Variants in CDH12 observed in about 807,000 individuals in gnomAD.
The protein encoded by CDH12 is cadherin-12.
CDH12 carries 41 observed loss-of-function variants against 74.1 expected under a neutral mutation model. That is an observed-to-expected ratio of 0.55 (90% confidence interval 0.43 to 0.72). The LOEUF is 0.72. Ranked by LOEUF, CDH12 falls within the 30% of genes least tolerant of loss-of-function variation. CDH12 has a pLI of 0.00. For missense variants in CDH12, 945 were observed against 977.2 expected (o/e 0.97, Z 0.44); for synonymous variants, 399 against 355.0 (o/e 1.12, Z -1.39).
At chr5:22,774,919 C>T (rs1344553695) in intron 1 of CDH12, among the ~76,000 whole-genome samples, 1 of 151,964 alleles carries the variant, frequency 6.6e-6, no homozygotes, top group Non-Finnish European at 1.5e-5. Flanking sequence ...GTTTGCATCT[C>T]AAATCTCAGT....
At chr5:22,798,990 ACCT>A (rs1490617089) in intron 1 of CDH12, among the ~76,000 whole-genome samples, 2 of 152,054 alleles carry the variant, frequency 1.3e-5, no homozygotes, top group African/African-American at 4.8e-5. Context: ...GGCAGTGCAT[ACCT>A]GTGGTTTCAG....
chr5:22,710,570 T>A (rs531147446), intron 1 of CDH12, among the ~76,000 whole-genome samples: 1 of 152,286 alleles, frequency 6.6e-6, no homozygotes, highest in East Asian at 1.9e-4. Context: ...TAAGGATTTT[T>A]GCTTAATCTA....
At position 21,781,047 on chromosome 5, in the gene CDH12, T is replaced by G. The variant is rs371507867; in HGVS notation, c.1393+2311A>C. 2.6e-5 allele frequency among the ~76,000 whole-genome samples: 4 copies of G among 152,040 alleles called. No individual in the cohort carries two copies. The East Asian group carries it at 7.7e-4, about 29-fold the overall frequency. ...ATAATATGACTGCTTGGTAGCTAAC[T>G]CACTGATCATCCCAAGCCTAACTGC... On this transcript the variant is annotated intron_variant, in intron 11 of 14. Coordinates refer to ENST00000382254, the MANE Select transcript of CDH12 (RefSeq NM_004061.5).
intron 3 of CDH12, among the ~76,000 whole-genome samples, chr5:22,333,654 C>T (rs535908700): frequency 2.1e-4 from 32 of 152,182 alleles, no homozygotes; most frequent in East Asian, 7.7e-4. Flanking sequence ...TTATACTGAT[C>T]CCCAAACTAG....
chr5:22,639,551 T>C (rs955227386), intron 1 of CDH12, among the ~76,000 whole-genome samples: 14 of 151,740 alleles, frequency 9.2e-5, no homozygotes, highest in African/African-American at 3.1e-4. Flanking sequence ...CTAAACTGAA[T>C]TGGAACCAAG....
intron 3 of CDH12, among the ~76,000 whole-genome samples, chr5:22,331,712 AAC>A: frequency 6.6e-6 from 1 of 152,234 alleles, no homozygotes; most frequent in Non-Finnish European, 1.5e-5. Flanking sequence ...TAACATTTCA[AAC>A]ACAGAATTCA....
chr5:22,168,135 A>G (rs180913865), intron 4 of CDH12, among the ~76,000 whole-genome samples: 77 of 152,216 alleles, frequency 5.1e-4, no homozygotes, highest in African/African-American at 1.8e-3. Flanking sequence ...TTCTGTACCG[A>G]TATCATCTTT....
intron 2 of CDH12, among the ~76,000 whole-genome samples, chr5:22,431,544 C>T (rs1358147561): frequency 6.6e-6 from 1 of 152,198 alleles, no homozygotes; most frequent in South Asian, 2.1e-4. Flanking sequence ...GAGTGGACTC[C>T]TTCTACTTAT....
At chr5:21,956,249 A>G (rs1756090225) in intron 6 of CDH12, among the ~76,000 whole-genome samples, 1 of 152,036 alleles carries the variant, frequency 6.6e-6, no homozygotes, top group Non-Finnish European at 1.5e-5. Context: ...TTTTTTTTCA[A>G]TTCAGCATGG....
chr5:22,057,777 A>G (rs1261753142), intron 5 of CDH12, among the ~76,000 whole-genome samples: 1 of 152,170 alleles, frequency 6.6e-6, no homozygotes, highest in Admixed American at 6.6e-5. Context: ...GAGTGTTTGC[A>G]TAGTTTTCAT....
chr5:22,549,958 T>A (rs1345369528), intron 1 of CDH12, among the ~76,000 whole-genome samples: 1 of 152,206 alleles, frequency 6.6e-6, no homozygotes, highest in Non-Finnish European at 1.5e-5. Flanking sequence ...CTCTCTAAAT[T>A]GGATTCACGA....
At chr5:22,067,456 C>T (rs1214773018) in intron 5 of CDH12, among the ~76,000 whole-genome samples, 2 of 152,134 alleles carry the variant, frequency 1.3e-5, no homozygotes, top group Non-Finnish European at 2.9e-5. Flanking sequence ...CATTTAGGTA[C>T]ATTACTCTGG....
chr5:22,366,880 C>T (rs1426520881), intron 3 of CDH12, among the ~76,000 whole-genome samples: 1 of 152,158 alleles, frequency 6.6e-6, no homozygotes, highest in Non-Finnish European at 1.5e-5. Flanking sequence ...TTATCTCTGC[C>T]ATTTACTGGA....
intron 1 of CDH12, among the ~76,000 whole-genome samples, chr5:22,666,991 A>T (rs1346720870): frequency 6.6e-6 from 1 of 152,206 alleles, no homozygotes; most frequent in Non-Finnish European, 1.5e-5. Flanking sequence ...TTTGGCTAAT[A>T]TCCATTCTGT....
At chr5:22,562,295 C>T (rs557015240) in intron 1 of CDH12, among the ~76,000 whole-genome samples, 14 of 151,692 alleles carry the variant, frequency 9.2e-5, no homozygotes, top group African/African-American at 2.4e-4. Context: ...CCAGCCTGGG[C>T]GACAGAGCGA....
At chr5:22,693,017 T>C (rs1382043944) in intron 1 of CDH12, among the ~76,000 whole-genome samples, 3 of 149,744 alleles carry the variant, frequency 2.0e-5, no homozygotes, top group Non-Finnish European at 4.5e-5. Context: ...CTTTTTAATT[T>C]CTTTTTTTTT....
intron 1 of CDH12, among the ~76,000 whole-genome samples, chr5:22,695,590 T>A (rs1742318099): frequency 1.3e-5 from 2 of 152,226 alleles, no homozygotes; most frequent in South Asian, 4.1e-4. Context: ...ATTTTAAAAT[T>A]ATTTATAATA....
chr5:21,831,530 A>T (rs1749022702), intron 8 of CDH12, among the ~76,000 whole-genome samples: 1 of 152,198 alleles, frequency 6.6e-6, no homozygotes, highest in South Asian at 2.1e-4. Flanking sequence ...TGTGGAAATC[A>T]GGGAACTGGC....
intron 1 of CDH12, among the ~76,000 whole-genome samples, chr5:22,622,279 G>C (rs145106710): frequency 6.6e-6 from 1 of 151,962 alleles, no homozygotes; most frequent in Non-Finnish European, 1.5e-5. Context: ...ATGCAACCGA[G>C]AGGAACATCC....
Sources: gnomAD v4.1 joint callset for allele counts (sites outside exome capture counted in the v4.1 genomes callset) on GRCh38, gnomAD v4.1.1 for gene constraint, MANE v1.5 for transcripts, NCBI Gene and HGNC (gene_info 2026-07-23, HGNC 2026-07-21) for gene names.